Variants in HS2ST1 observed in about 807,000 individuals in gnomAD.
HS2ST1 encodes 2-O-sulfotransferase.
Under a neutral mutation model 42.9 loss-of-function variants are expected in HS2ST1, and 18 were observed. The observed-to-expected ratio is 0.42, with a 90% CI of 0.29 to 0.62. The LOEUF (loss-of-function observed/expected upper bound fraction) is 0.62. Among genes scored for constraint, HS2ST1 ranks in the 20% least tolerant of loss-of-function variants. The pLI, the probability that HS2ST1 is intolerant of heterozygous loss-of-function variation, is 0.21. For synonymous variants in HS2ST1, 146 were observed against 152.9 expected, an observed-to-expected ratio of 0.95 and a Z score of 0.33; for missense variants, 334 against 433.8, an observed-to-expected ratio of 0.77 and a Z score of 2.04.
intron 1 of HS2ST1, among the ~76,000 whole-genome samples, chr1:86,982,378 G>A (rs1648621138): frequency 6.6e-6 from 1 of 152,160 alleles, no homozygotes; most frequent in Non-Finnish European, 1.5e-5. Flanking sequence ...CCCAGAAAAT[G>A]ACTTTTTCTT....
intron 1 of HS2ST1, among the ~76,000 whole-genome samples, chr1:86,985,078 A>G (rs1441383274): frequency 6.6e-6 from 1 of 150,938 alleles, no homozygotes; most frequent in Non-Finnish European, 1.5e-5. Context: ...TGTTTTGGCC[A>G]GGCGCGGTGG....
At chr1:87,084,162 T>C (rs771655275) in intron 2 of HS2ST1, 32 bp from the exon 3 acceptor site, 1 of 1,299,240 alleles carries the variant, frequency 7.7e-7, no homozygotes, top group Non-Finnish European at 1.1e-6. Flanking sequence ...TTTCTTTAAA[T>C]TGTATATAAT....
At chr1:87,002,410 T>C (rs988558189) in intron 1 of HS2ST1, among the ~76,000 whole-genome samples, 4 of 151,992 alleles carry the variant, frequency 2.6e-5, no homozygotes, top group African/African-American at 9.7e-5. Flanking sequence ...CTGGGCAATA[T>C]GGTGACACCC....
rs1053718045 is a variant in HS2ST1 at position 86,914,759 on chromosome 1, A to G, written c.-278A>G. The G allele has an allele frequency of 4.2e-6, 2 of 474,446 alleles. No homozygotes were observed. The highest frequency in any genetic ancestry group is 4.1e-5 in the African/African-American group (2 of 48,768). The allele number at this position is 474,446 out of a possible 1,614,324, so 29.4% of individuals were successfully genotyped here. A position where few individuals can be genotyped will look rare whatever the true frequency, so the allele number is the denominator to read the frequency against. On this transcript the variant is annotated 5_prime_UTR_variant, in exon 1 of 7. Transcript: ENST00000370550. ...GGGACTGAGGCAGTAGAGGGAGGCG[A>G]GAGCCCGGCAGCCGCTTCGCGCTGT...
intron 1 of HS2ST1, among the ~76,000 whole-genome samples, chr1:86,987,296 G>A (rs1398744121): frequency 1.3e-5 from 2 of 151,786 alleles, no homozygotes; most frequent in African/African-American, 4.8e-5. Context: ...GGCTGGTCTC[G>A]AACTCCCGAC....
At chr1:86,932,819 G>A (rs1360434869) in intron 1 of HS2ST1, among the ~76,000 whole-genome samples, 1 of 152,104 alleles carries the variant, frequency 6.6e-6, no homozygotes, top group Non-Finnish European at 1.5e-5. Context: ...CAATTCTGAA[G>A]AAGGTAACAT....
chr1:87,019,863 C>T (rs1157428505), intron 1 of HS2ST1, among the ~76,000 whole-genome samples: 3 of 152,204 alleles, frequency 2.0e-5, no homozygotes, highest in Non-Finnish European at 4.4e-5. Context: ...TTGATGACAG[C>T]ATCTGTTCTA....
rs188896313 is a variant in HS2ST1, at chr1:87,041,937, C to A, written c.125-30997C>A. ...CACTATCTCTTAAAGATTCTGACTT[C>A]AGTTCTTTTAAAAAATTAAACACAG... On this transcript the variant is annotated intron_variant, in intron 1 of 6. Coordinates refer to ENST00000370550, the MANE Select transcript of HS2ST1 (RefSeq NM_012262.4). 2.0e-5 allele frequency among the ~76,000 whole-genome samples: 3 copies of A among 152,268 alleles called. No individual in the cohort carries two copies. The East Asian group carries it at 5.8e-4, about 29-fold the overall frequency.
intron 1 of HS2ST1, among the ~76,000 whole-genome samples, chr1:86,944,320 GT>G (rs1351053945): frequency 6.6e-6 from 1 of 151,998 alleles, no homozygotes; most frequent in Admixed American, 6.6e-5. Flanking sequence ...TGACATAAAC[GT>G]TTTTTGGCCT....
At chr1:87,024,249 C>A (rs932208121) in intron 1 of HS2ST1, among the ~76,000 whole-genome samples, 1 of 151,984 alleles carries the variant, frequency 6.6e-6, no homozygotes, top group African/African-American at 2.4e-5. Context: ...CACCTATAAT[C>A]CCAGGCACTT....
At chr1:86,985,572 C>G (rs1335695879) in intron 1 of HS2ST1, among the ~76,000 whole-genome samples, 2 of 108,946 alleles carry the variant, frequency 1.8e-5, no homozygotes, top group East Asian at 6.1e-4. Context: ...ACACACATTT[C>G]TAACAGAATC....
chr1:86,960,751 A>C (rs988761230), intron 1 of HS2ST1, among the ~76,000 whole-genome samples: 1 of 152,224 alleles, frequency 6.6e-6, no homozygotes, highest in Non-Finnish European at 1.5e-5. Flanking sequence ...AGTGATGAAA[A>C]TTCCAGACAC....
At chr1:87,093,157 G>C (rs534896352) in intron 4 of HS2ST1, among the ~76,000 whole-genome samples, 2 of 152,168 alleles carry the variant, frequency 1.3e-5, no homozygotes, top group East Asian at 3.9e-4. Flanking sequence ...TATCACCAGA[G>C]TTACATTTCT....
chr1:87,091,113 G>T (rs771093155), intron 3 of HS2ST1, among the ~76,000 whole-genome samples: 37 of 151,876 alleles, frequency 2.4e-4, no homozygotes, highest in Non-Finnish European at 4.4e-4. Context: ...GCTCTAGAAG[G>T]ACAAGAAATT....
intron 1 of HS2ST1, chr1:86,993,068 A>G (rs1425623291): frequency 6.3e-7 from 1 of 1,590,906 alleles, no homozygotes; most frequent in Non-Finnish European, 8.6e-7. Flanking sequence ...AAGGTCACCA[A>G]GTCTTTCCTG....
chr1:86,933,937 T>C (rs531224532), intron 1 of HS2ST1, among the ~76,000 whole-genome samples: 1 of 152,330 alleles, frequency 6.6e-6, no homozygotes, highest in East Asian at 1.9e-4. Flanking sequence ...GTTCCGAGGC[T>C]TGTAGTTATT....
At chr1:86,979,375 C>T (rs2102218411) in intron 1 of HS2ST1, among the ~76,000 whole-genome samples, 1 of 152,262 alleles carries the variant, frequency 6.6e-6, no homozygotes, top group Non-Finnish European at 1.5e-5. Context: ...CTCCTTCCCC[C>T]AGCCCCTGGG....
intron 1 of HS2ST1, among the ~76,000 whole-genome samples, chr1:87,058,998 G>A (rs1348015136): frequency 6.6e-6 from 1 of 152,012 alleles, no homozygotes; most frequent in African/African-American, 2.4e-5. Flanking sequence ...GGCAGAGCTT[G>A]CAGTGAGCCG....
intron 1 of HS2ST1, among the ~76,000 whole-genome samples, chr1:86,957,665 C>T (rs546217874): frequency 6.6e-6 from 1 of 150,798 alleles, no homozygotes; most frequent in Non-Finnish European, 1.5e-5. Context: ...TTTGAGCTCA[C>T]TTAAAAAAAA....
Sources: allele counts gnomAD v4.1 joint callset (sites outside exome capture counted in the v4.1 genomes callset), GRCh38; gene constraint gnomAD v4.1.1; transcripts MANE v1.5; gene names NCBI Gene and HGNC (gene_info 2026-07-23, HGNC 2026-07-21).